KRT8: variants seen among roughly 807,000 people sequenced by gnomAD.
KRT8 encodes the protein keratin, type II cytoskeletal 8.
In KRT8, 24 loss-of-function variants were observed where a neutral mutation model predicts 43.0. The observed-to-expected ratio is 0.56, with a 90% confidence interval of 0.40 to 0.78. The LOEUF (loss-of-function observed/expected upper bound fraction) is 0.78, where lower values mean the gene tolerates loss of function less well. KRT8 is among the 30% of genes least tolerant of loss of function. The pLI, the probability that KRT8 is intolerant of heterozygous loss-of-function variation, is 0.00. For synonymous variants in KRT8, 214 were observed against 261.2 expected (o/e 0.82, Z 1.74); for missense variants, 492 against 638.4 (o/e 0.77, Z 2.47).
At chr12:52,926,936 CTGAA>C (rs60430117) in intron 2 of KRT8, among the ~76,000 whole-genome samples, 55,860 of 150,436 alleles carry the variant, frequency 0.37, 10,624 homozygotes, top group Middle Eastern at 0.42. Flanking sequence ...GTTTGATTCA[CTGAA>C]TGAATGAATG....
At chr12:52,898,874 G>A in exon 6 of KRT8, 2 of 1,613,100 alleles carry the variant, frequency 1.2e-6, no homozygotes, top group Non-Finnish European at 8.5e-7. Flanking sequence ...CTCGGCATCT[G>A]CAATGGCGGC....
intron 2 of KRT8, among the ~76,000 whole-genome samples, chr12:52,936,573 C>T (rs531817156): frequency 4.6e-5 from 7 of 152,204 alleles, no homozygotes; most frequent in Admixed American, 1.3e-4. Context: ...AGTGCAATGG[C>T]GCAATCTGCA....
At chr12:52,943,004 C>G (rs945909674) in intron 2 of KRT8, among the ~76,000 whole-genome samples, 1 of 152,074 alleles carries the variant, frequency 6.6e-6, no homozygotes, top group Non-Finnish European at 1.5e-5. Flanking sequence ...TCCACTCCCC[C>G]AGAATCTCAA....
intron 2 of KRT8, among the ~76,000 whole-genome samples, chr12:52,925,134 A>G (rs1020819202): frequency 1.3e-5 from 2 of 152,162 alleles, no homozygotes; most frequent in African/African-American, 2.4e-5. Context: ...GGTGCTAGGC[A>G]GTTTTCTGAA....
intron 2 of KRT8, among the ~76,000 whole-genome samples, chr12:52,944,012 A>T (rs1942306457): frequency 6.6e-6 from 1 of 152,158 alleles, no homozygotes; most frequent in African/African-American, 2.4e-5. Flanking sequence ...AAGGCTGGAG[A>T]GTAGTAAGTG....
At chr12:52,897,599 A>G in exon 8 of KRT8, 1 of 1,598,158 alleles carries the variant, frequency 6.3e-7, no homozygotes, top group Non-Finnish European at 8.5e-7. Context: ...TGAGGCCCCC[A>G]TAGGCCGAGC....
At chr12:52,912,664 T>C (rs1311467854) in intron 2 of KRT8, among the ~76,000 whole-genome samples, 1 of 152,218 alleles carries the variant, frequency 6.6e-6, no homozygotes, top group Non-Finnish European at 1.5e-5. Context: ...TCCTCTGCAG[T>C]CGCCTGGCCT....
chr12:52,897,365 G>T, exon 8 of KRT8: 1 of 1,411,556 alleles, frequency 7.1e-7, no homozygotes. Context: ...CTGCATAGCG[G>T]CCTCCTTCCC....
At chr12:52,922,002 C>A (rs1397760271) in intron 2 of KRT8, among the ~76,000 whole-genome samples, 3 of 151,356 alleles carry the variant, frequency 2.0e-5, no homozygotes, top group Non-Finnish European at 4.4e-5. Context: ...CCTGTCTATA[C>A]CCCTCTCCCC....
At chr12:52,903,858 G>GCCCC (rs1941439411) in intron 1 of KRT8, among the ~76,000 whole-genome samples, 1 of 59,440 alleles carries the variant, frequency 1.7e-5, no homozygotes, top group African/African-American at 6.6e-5. Flanking sequence ...CCCCACCCCA[G>GCCCC]CCCACCCCAC....
intron 2 of KRT8, among the ~76,000 whole-genome samples, chr12:52,935,036 A>G (rs1210684252): frequency 6.6e-6 from 1 of 151,694 alleles, no homozygotes; most frequent in African/African-American, 2.4e-5. Flanking sequence ...TCTACTCAAA[A>G]TACAAATACT....
intron 2 of KRT8, among the ~76,000 whole-genome samples, chr12:52,929,014 C>T (rs534300751): frequency 5.0e-4 from 76 of 152,264 alleles, no homozygotes; most frequent in Non-Finnish European, 1.0e-3. Context: ...AGACCATACT[C>T]GTTGTCAATT....
At chr12:52,926,530 G>C in intron 2 of KRT8, 1 of 1,400,756 alleles carries the variant, frequency 7.1e-7, no homozygotes, top group Non-Finnish European at 9.8e-7. Context: ...GCCGGAAGTG[G>C]CCACTCCTAT....
At chr12:52,946,796 C>T (rs1339115922) in intron 2 of KRT8, 1 of 152,246 alleles carries the variant, frequency 6.6e-6, no homozygotes, top group Non-Finnish European at 1.5e-5. Context: ...CCGTTTGCCT[C>T]CCAGCCTTCA....
At chr12:52,918,240 A>AGAAGAAGAAGAAGAAGAAGAAGAGGAG (rs1565725871) in intron 2 of KRT8, among the ~76,000 whole-genome samples, 1 of 151,828 alleles carries the variant, frequency 6.6e-6, no homozygotes, top group African/African-American at 2.4e-5. Flanking sequence ...AAGAAGAAGA[A>AGAAGAAGAAGAAGAAGAAGAAGAGGAG]GAAGAAGAAG....
chr12:52,940,074 T>TA (rs1942241107), intron 2 of KRT8, among the ~76,000 whole-genome samples: 1 of 152,106 alleles, frequency 6.6e-6, no homozygotes, highest in Non-Finnish European at 1.5e-5. Flanking sequence ...TAAATACTGA[T>TA]ACCCTGCAAT....
intron 2 of KRT8, among the ~76,000 whole-genome samples, chr12:52,938,925 A>C (rs758295384): frequency 6.6e-6 from 1 of 151,968 alleles, no homozygotes; most frequent in Non-Finnish European, 1.5e-5. Context: ...CCTACAAATG[A>C]ATTTTTAAAA....
intron 2 of KRT8, among the ~76,000 whole-genome samples, chr12:52,917,963 A>G (rs1226381497): frequency 6.7e-6 from 1 of 148,998 alleles, no homozygotes; most frequent in Non-Finnish European, 1.5e-5. Context: ...AGGAAGAAGA[A>G]GAAGAGGAAG....
intron 2 of KRT8, chr12:52,926,332 G>GGCCAC: frequency 6.7e-6 from 4 of 600,270 alleles, no homozygotes; most frequent in East Asian, 6.6e-5. Context: ...GGCACTAGCT[G>GGCCAC]CCCTCCCCAC....
Sources: allele counts gnomAD v4.1 joint callset (sites outside exome capture counted in the v4.1 genomes callset), GRCh38; gene constraint gnomAD v4.1.1; transcripts MANE v1.5; gene names NCBI Gene and HGNC (gene_info 2026-07-23, HGNC 2026-07-21).